The following PTPRU variants were observed in gnomAD, a reference collection of about 807,000 sequenced individuals.
PTPRU encodes receptor-type tyrosine-protein phosphatase U.
Under a neutral mutation model 166.3 loss-of-function variants are expected in PTPRU, and 69 were observed. That is an observed-to-expected ratio of 0.41 (90% CI 0.34 to 0.51). The LOEUF (loss-of-function observed/expected upper bound fraction) is 0.51, where lower values mean the gene tolerates loss of function less well. Ranked by LOEUF, PTPRU falls within the 20% of genes least tolerant of loss-of-function variation. The probability of loss-of-function intolerance (pLI) is 0.09; values close to 1 mark genes in which losing one functional copy is unlikely to be tolerated. For missense variants in PTPRU, 1,657 were observed against 2,013.7 expected (o/e 0.82, Z 3.39); for synonymous variants, 793 against 814.0 (o/e 0.97, Z 0.44).
intron 27 of PTPRU, 44 bp downstream of exon 27, chr1:29,323,540 C>T: frequency 1.2e-6 from 2 of 1,611,430 alleles, no homozygotes; most frequent in African/African-American, 1.3e-5. Flanking sequence ...TGGGTGGTGG[C>T]TGGGGCAGCT....
rs754278193 is a variant in PTPRU, at chr1:29,308,566, C to CA, written c.2821-2158dup. 7.4e-3 allele frequency among the ~76,000 whole-genome samples: 586 copies of CA among 79,554 alleles called. 15 individuals carry two copies. Among genetic ancestry groups the CA allele is most frequent in the Middle Eastern group, 0.017 (2 of 120 alleles). The allele number at this position is 79,554 out of a possible 152,430, so 52.2% of individuals were successfully genotyped here. A position where few individuals can be genotyped will look rare whatever the true frequency, so the allele number is the denominator to read the frequency against. ...TGACCAACAGAGCCAGTCCCTGTCT[C>CA]AAAAAAAAAAAAAAAAAAAAGAGAG... On this transcript the variant is annotated intron_variant, in intron 18 of 29. Transcript: ENST00000373779.
Position 29,257,503 on chromosome 1 carries a change from A to G in PTPRU, c.206-1002A>G, listed in dbSNP as rs184140978. Among the ~76,000 whole-genome samples, 543 of 152,254 alleles carry G rather than the reference A, an allele frequency of 3.6e-3. 4 individuals carry two copies. The highest frequency in any genetic ancestry group is 0.012 in the African/African-American group (495 of 41,550). On this transcript the variant is annotated intron_variant, in intron 2 of 29. Transcript: ENST00000373779. This position sits in a 1 kb window ranked among gnomAD's most constrained non-coding sequence, Gnocchi z 4.6. The stretch of plus-strand genomic sequence containing the variant: ...TTTCGGGTGCCCTTTGGGAAGCCCA[A>G]ATCCCCCCGCCAGGTCCTGAGCCAG...
intron 26 of PTPRU, among the ~76,000 whole-genome samples, chr1:29,322,694 A>G (rs931415466): frequency 2.0e-5 from 3 of 152,144 alleles, no homozygotes; most frequent in African/African-American, 7.2e-5. Context: ...ACTGAGGCCA[A>G]GAGAAAGGAA....
At chr1:29,244,177 T>TGACA (rs1233017356) in intron 1 of PTPRU, among the ~76,000 whole-genome samples, 2 of 151,388 alleles carry the variant, frequency 1.3e-5, no homozygotes, top group African/African-American at 4.9e-5. Flanking sequence ...AGGGGTGGGG[T>TGACA]GACAGCTCAG....
At chr1:29,267,637 T>C (rs1574635707) in intron 7 of PTPRU, among the ~76,000 whole-genome samples, 1 of 152,242 alleles carries the variant, frequency 6.6e-6, no homozygotes, top group East Asian at 1.9e-4. Context: ...TGTCACTGTG[T>C]TAGTGACTGA....
At chr1:29,239,565 C>T (rs374282522) in intron 1 of PTPRU, among the ~76,000 whole-genome samples, 20 of 152,098 alleles carry the variant, frequency 1.3e-4, no homozygotes, top group East Asian at 3.9e-4. Context: ...GGGCAAGCAT[C>T]GTGCTTGATG....
Position 29,291,929 on chromosome 1 carries a change from G to A in PTPRU, c.2379G>A (p.Met793Ile), listed in dbSNP as rs755369010. The change falls in exon 15 of 30, where the codon ATG (methionine) becomes ATA (isoleucine). Residue 793 changes from methionine (M) to isoleucine (I), a missense_variant. Transcript: ENST00000373779. This position sits in a 1 kb window ranked among gnomAD's most constrained non-coding sequence, Gnocchi z 4.1. Reference protein sequence around the residue: ...VNYRQEKTHMMSAVDRSFTDQ... With the variant: ...VNYRQEKTHMISAVDRSFTDQ... Reference sequence around the variant, plus strand: ...ACCGCCAGGAGAAGACACACATGATGAGCGCCGTGGACCGCAGCTTCACAG... The same window carrying A: ...ACCGCCAGGAGAAGACACACATGATAAGCGCCGTGGACCGCAGCTTCACAG... 6.8e-6 allele frequency: 11 copies of A among 1,614,046 alleles called. No homozygotes were observed. The Admixed American group carries it at 1.5e-4, about 22-fold the overall frequency.
At chr1:29,295,918 T>G (rs1686861964) in intron 15 of PTPRU, among the ~76,000 whole-genome samples, 1 of 152,198 alleles carries the variant, frequency 6.6e-6, no homozygotes, top group Admixed American at 6.5e-5. Context: ...CTCGCACTCC[T>G]GACCTCAGGT....
rs1262000159 is a variant in PTPRU, at chr1:29,320,897, C to T, written c.3828+72C>T. 2.8e-6 allele frequency: 4 copies of T among 1,403,554 alleles called. No individual in the cohort carries two copies. The highest frequency in any genetic ancestry group is 2.6e-5 in the Admixed American group (1 of 38,818). The allele number at this position is 1,403,554 out of a possible 1,614,324, so 86.9% of individuals were successfully genotyped here. On this transcript the variant is annotated intron_variant, in intron 26 of 29. Transcript: ENST00000373779. The surrounding 1 kb of genome is among the most constrained non-coding windows in gnomAD (Gnocchi z 5.2). The stretch of plus-strand genomic sequence containing the variant: ...CTCTGTGTATTCAGGGCCATGGTCC[C>T]CAAAGCCAAAAGTTGGGTCCCAGCT...
At chr1:29,287,698 C>T (rs1451835973) in intron 14 of PTPRU, among the ~76,000 whole-genome samples, 1 of 151,790 alleles carries the variant, frequency 6.6e-6, no homozygotes, top group East Asian at 1.9e-4. Flanking sequence ...AGGTTCACGC[C>T]ATTCTCCTGC....
At position 29,311,818 on chromosome 1, in the gene PTPRU, C is replaced by T. The variant is rs933413122; in HGVS notation, c.3072+59C>T. 4.0e-6 allele frequency: 6 copies of T among 1,490,940 alleles called. No individual in the cohort carries two copies. Among genetic ancestry groups the T allele is most frequent in the African/African-American group, 1.4e-5 (1 of 72,498 alleles). 92.4% of individuals were successfully genotyped at this position (1,490,940 alleles called of 1,614,324 possible). ...GTGCCTGAGCAGGGATTAGAGCCCACTCCCACTTCCCCCAGCCCTGGGAGC... is the reference window on the plus strand; with the variant it reads ...GTGCCTGAGCAGGGATTAGAGCCCATTCCCACTTCCCCCAGCCCTGGGAGC... On this transcript the variant is annotated intron_variant, in intron 21 of 29. Transcript: ENST00000373779. This position sits in a 1 kb window ranked among gnomAD's most constrained non-coding sequence, Gnocchi z 4.1.
intron 7 of PTPRU, among the ~76,000 whole-genome samples, chr1:29,264,368 A>G (rs541015640): frequency 6.6e-6 from 1 of 152,058 alleles, no homozygotes; most frequent in Admixed American, 6.6e-5. Context: ...CTAAGAAACC[A>G]TTGCCTAATC....
intron 7 of PTPRU, 143 bp from the exon 8 acceptor site, chr1:29,275,305 T>G: frequency 3.5e-6 from 3 of 857,384 alleles, no homozygotes; most frequent in Non-Finnish European, 1.8e-6. Context: ...ACTCCCTGTT[T>G]GATGTTCTAG....
intron 12 of PTPRU, 103 bp downstream of exon 12, chr1:29,283,052 TTCCCATAGCCCCACC>T (rs1294210618): frequency 1.7e-4 from 252 of 1,487,038 alleles, no homozygotes; most frequent in African/African-American, 2.5e-4. Context: ...GGCCCGGCAC[TTCCCATAGCCCCACC>T]TCCCATAGCC....
At position 29,255,278 on chromosome 1, in the gene PTPRU, G is replaced by A. The variant is rs913909960; in HGVS notation, c.77G>A (p.Gly26Asp). Residue 26 changes from glycine (G) to aspartate (D), a missense_variant, in exon 2 of 30, where the codon GGC becomes GAC. This residue lies in a region of PTPRU where 453 missense variants were observed against 496.9 expected (regional missense o/e 0.91). Coordinates refer to ENST00000373779, the MANE Select transcript of PTPRU (RefSeq NM_133178.4). ...CAPETETPAAGCTFEEASDPA... is the reference protein window; with the variant it reads ...CAPETETPAADCTFEEASDPA... ...TAACCAGGCCCTGCTCTCACAGCTG[G>A]CTGCACCTTCGAGGAGGCAAGTGAC... The A allele has an allele frequency of 6.2e-7, 1 of 1,613,412 alleles. No homozygotes were observed. Among genetic ancestry groups the A allele is most frequent in the Non-Finnish European group, 8.5e-7 (1 of 1,179,630 alleles).
At chr1:29,297,218 C>T (rs1686929693) in intron 15 of PTPRU, among the ~76,000 whole-genome samples, 1 of 151,914 alleles carries the variant, frequency 6.6e-6, no homozygotes, top group Non-Finnish European at 1.5e-5. Flanking sequence ...TCATGCCTGG[C>T]TAATTTTTGT....
intron 15 of PTPRU, among the ~76,000 whole-genome samples, chr1:29,292,611 T>A (rs1686691056): frequency 6.6e-6 from 1 of 152,094 alleles, no homozygotes; most frequent in Admixed American, 6.5e-5. Flanking sequence ...GTGTCATAAC[T>A]TGCTTCATCC....
At position 29,304,882 on chromosome 1, in the gene PTPRU, C is replaced by T. The variant is rs750768712; in HGVS notation, c.2743+33C>T. The stretch of plus-strand genomic sequence containing the variant: ...CTGGGGAAGGGCCTGGGGTCCAGGG[C>T]AGTGGGTGGGAGGGCATCAGGAGGG... On this transcript the variant is annotated intron_variant, in intron 17 of 29. Coordinates refer to ENST00000373779, the MANE Select transcript of PTPRU (RefSeq NM_133178.4). The T allele has an allele frequency of 1.5e-5, 24 of 1,566,280 alleles. No homozygotes were observed. The South Asian group carries it at 2.7e-4, about 18-fold the overall frequency.
intron 7 of PTPRU, among the ~76,000 whole-genome samples, chr1:29,273,698 C>T (rs12730569): frequency 0.021 from 3,130 of 152,164 alleles, 33 homozygotes; most frequent in Middle Eastern, 0.095. Flanking sequence ...CCACTGTGCC[C>T]AGCCCAGTTT....
Sources: allele counts gnomAD v4.1 joint callset (sites outside exome capture counted in the v4.1 genomes callset), GRCh38; gene constraint gnomAD v4.1.1; regional missense constraint gnomAD v4.1.1; non-coding constraint Gnocchi (gnomAD v3.1); transcripts MANE v1.5; gene names NCBI Gene and HGNC (gene_info 2026-07-23, HGNC 2026-07-21).